RBMS3: variants seen among roughly 807,000 people sequenced by gnomAD.
RBMS3 encodes the protein RNA binding motif single stranded interacting protein 3, also known as RNA-binding motif, single-stranded-interacting protein 3.
In RBMS3, 27 loss-of-function variants were observed where a neutral mutation model predicts 66.8. The observed-to-expected ratio is 0.40, with a 90% CI of 0.30 to 0.56. The LOEUF (loss-of-function observed/expected upper bound fraction) is 0.56. RBMS3 is among the 20% of genes least tolerant of loss of function. The pLI, the probability that RBMS3 is intolerant of heterozygous loss-of-function variation, is 0.40. For synonymous variants in RBMS3, 188 were observed against 183.0 expected (o/e 1.03, Z -0.22); for missense variants, 513 against 549.5 (o/e 0.93, Z 0.66).
intron 5 of RBMS3, among the ~76,000 whole-genome samples, chr3:29,753,011 G>T (rs180900188): frequency 6.6e-6 from 1 of 152,250 alleles, no homozygotes; most frequent in African/African-American, 2.4e-5. Flanking sequence ...TACAAATGGA[G>T]ATTTCCGTTA....
At chr3:29,753,285 C>G (rs2055262631) in intron 5 of RBMS3, among the ~76,000 whole-genome samples, 1 of 152,142 alleles carries the variant, frequency 6.6e-6, no homozygotes, top group Non-Finnish European at 1.5e-5. Context: ...TACATTGAAT[C>G]CCGGGTCCCC....
intron 4 of RBMS3, among the ~76,000 whole-genome samples, chr3:29,656,691 C>T (rs2050338966): frequency 6.6e-6 from 1 of 150,610 alleles, no homozygotes; most frequent in Non-Finnish European, 1.5e-5. Context: ...TGTGTAGATA[C>T]CTTAGGACAC....
intron 1 of RBMS3, among the ~76,000 whole-genome samples, chr3:29,328,084 A>G (rs557237552): frequency 6.6e-6 from 1 of 152,320 alleles, no homozygotes; most frequent in Admixed American, 6.5e-5. Context: ...CTATTATAAC[A>G]TCATTATGTC....
At chr3:29,374,621 G>A (rs1293677822) in intron 1 of RBMS3, among the ~76,000 whole-genome samples, 3 of 152,160 alleles carry the variant, frequency 2.0e-5, no homozygotes, top group African/African-American at 7.2e-5. Flanking sequence ...AGTGTTCTGA[G>A]CATGTTTAAG....
chr3:29,447,586 A>G (rs2041877070), intron 2 of RBMS3, among the ~76,000 whole-genome samples: 1 of 152,210 alleles, frequency 6.6e-6, no homozygotes, highest in Admixed American at 6.5e-5. Flanking sequence ...TGAATAGTAA[A>G]GATAGTTAAA....
chr3:29,964,425 G>T (rs1696690271), intron 12 of RBMS3, among the ~76,000 whole-genome samples: 1 of 152,196 alleles, frequency 6.6e-6, no homozygotes, highest in Non-Finnish European at 1.5e-5. Context: ...CTAGTGGCAT[G>T]TGCAGGATAA....
chr3:29,440,023 T>A (rs1321617566), intron 2 of RBMS3, among the ~76,000 whole-genome samples: 1 of 152,172 alleles, frequency 6.6e-6, no homozygotes, highest in Non-Finnish European at 1.5e-5. Flanking sequence ...TGTAACTTTT[T>A]TGAGCCAGAT....
intron 6 of RBMS3, among the ~76,000 whole-genome samples, chr3:29,859,897 CACAT>C (rs1325144248): frequency 2.0e-5 from 3 of 152,146 alleles, no homozygotes; most frequent in African/African-American, 4.8e-5. Flanking sequence ...CACACACACA[CACAT>C]ACACACATAC....
chr3:29,284,004 A>G (rs1172605702), intron 1 of RBMS3, among the ~76,000 whole-genome samples: 1 of 152,154 alleles, frequency 6.6e-6, no homozygotes, highest in African/African-American at 2.4e-5. Context: ...ATCATGTTTC[A>G]GTGTAACAGG....
chr3:29,389,020 T>C (rs1233286583), intron 1 of RBMS3, among the ~76,000 whole-genome samples: 2 of 152,236 alleles, frequency 1.3e-5, no homozygotes. Context: ...TTTTTTAAAA[T>C]TTAAAAGTTT....
intron 4 of RBMS3, among the ~76,000 whole-genome samples, chr3:29,592,550 A>T (rs1220840328): frequency 6.6e-6 from 1 of 152,184 alleles, no homozygotes; most frequent in African/African-American, 2.4e-5. Context: ...ACTCTTTTAC[A>T]CTGTTGGTGA....
chr3:29,502,509 A>T (rs546780460), intron 3 of RBMS3, among the ~76,000 whole-genome samples: 1 of 152,228 alleles, frequency 6.6e-6, no homozygotes, highest in African/African-American at 2.4e-5. Context: ...AACATGTAGT[A>T]GTTCTTATTC....
In RBMS3 at chr3:29,658,904, C is replaced by A. The variant is rs574529941; in HGVS notation, c.399+71699C>A. ...GTGGCACGATCTCGGCTCACTGCAA[C>A]CTCCGCCTCCCGGGTTCAAGCGATT... On this transcript the variant is annotated intron_variant, in intron 4 of 14. Coordinates refer to ENST00000383767, the MANE Select transcript of RBMS3 (RefSeq NM_001003793.3). 1.6e-4 allele frequency among the ~76,000 whole-genome samples: 25 copies of A among 152,338 alleles called. No homozygotes were observed. In the South Asian group the frequency reaches 2.3e-3, roughly 14 times the overall value.
chr3:29,701,548 G>A (rs2052577090), intron 4 of RBMS3, among the ~76,000 whole-genome samples: 1 of 152,128 alleles, frequency 6.6e-6, no homozygotes, highest in African/African-American at 2.4e-5. Flanking sequence ...GTCGGAGCCA[G>A]CTCCCTCTGC....
intron 12 of RBMS3, among the ~76,000 whole-genome samples, chr3:29,959,273 A>G (rs945981299): frequency 2.0e-5 from 3 of 152,082 alleles, no homozygotes; most frequent in African/African-American, 7.3e-5. Flanking sequence ...CCCACATCAC[A>G]GGATTCCAAG....
At chr3:29,518,632 C>A (rs1176437949) in intron 3 of RBMS3, among the ~76,000 whole-genome samples, 1 of 152,150 alleles carries the variant, frequency 6.6e-6, no homozygotes, top group Non-Finnish European at 1.5e-5. Flanking sequence ...GTTTAAGTAG[C>A]CATTTTCATC....
rs142728378 is a variant in RBMS3 at position 29,824,770 on chromosome 3, A to T, written c.638-44088A>T. ...CAATGAAATCTAGCTCAGAAACCAT[A>T]CAAGAAAAAAGCACACTAATTTAAA... On this transcript the variant is annotated intron_variant, in intron 6 of 14. Transcript: ENST00000383767. Among the ~76,000 whole-genome samples the T allele has an allele frequency of 9.4e-4, 143 of 152,314 alleles. No homozygotes were observed. The East Asian group carries it at 0.019, about 20-fold the overall frequency.
chr3:29,692,938 A>T (rs1344914803), intron 4 of RBMS3, among the ~76,000 whole-genome samples: 1 of 152,164 alleles, frequency 6.6e-6, no homozygotes, highest in Non-Finnish European at 1.5e-5. Context: ...GTACGGACAG[A>T]TCCTTTATAT....
At chr3:29,592,962 A>C (rs570724924) in intron 4 of RBMS3, among the ~76,000 whole-genome samples, 1 of 142,186 alleles carries the variant, frequency 7.0e-6, no homozygotes, top group African/African-American at 2.6e-5. Flanking sequence ...GAACAATGAG[A>C]ACACTTGGAC....
Sources: allele counts gnomAD v4.1 joint callset (sites outside exome capture counted in the v4.1 genomes callset), GRCh38; gene constraint gnomAD v4.1.1; transcripts MANE v1.5; gene names NCBI Gene and HGNC (gene_info 2026-07-23, HGNC 2026-07-21).